The following RBFOX1 variants were observed in gnomAD, a reference collection of about 807,000 sequenced individuals.
RBFOX1 encodes the protein RNA binding protein fox-1 homolog 1.
RBFOX1 carries 8 observed loss-of-function variants against 57.7 expected under a neutral mutation model. That is an observed-to-expected ratio of 0.14 (90% CI 0.08 to 0.25). RBFOX1 has a LOEUF of 0.25. Ranked by LOEUF, RBFOX1 falls within the 10% of genes least tolerant of loss-of-function variation. The pLI is 1.00. For synonymous variants in RBFOX1, 326 were observed against 222.4 expected, an observed-to-expected ratio of 1.47 and a Z score of -4.15; for missense variants, 611 against 548.5, an observed-to-expected ratio of 1.11 and a Z score of -1.14.
chr16:5,665,643 C>T (rs1017953112), intron 3 of RBFOX1, among the ~76,000 whole-genome samples: 3 of 152,176 alleles, frequency 2.0e-5, no homozygotes, highest in African/African-American at 7.2e-5. Context: ...AGTTGGCACT[C>T]AGTTAGTATT....
intron 3 of RBFOX1, among the ~76,000 whole-genome samples, chr16:6,729,782 A>G (rs138466499): frequency 9.9e-5 from 15 of 152,232 alleles, no homozygotes; most frequent in African/African-American, 2.6e-4. Flanking sequence ...ACTTAAGTTG[A>G]GTTTGTTTCT....
intron 4 of RBFOX1, among the ~76,000 whole-genome samples, chr16:7,086,747 A>T (rs1402301048): frequency 9.8e-5 from 2 of 20,494 alleles, no homozygotes; most frequent in Non-Finnish European, 1.7e-4. Flanking sequence ...CACACTTTAA[A>T]ATTTGGTCTT....
intron 3 of RBFOX1, among the ~76,000 whole-genome samples, chr16:6,967,520 C>G (rs907500508): frequency 7.2e-5 from 11 of 152,106 alleles, no homozygotes; most frequent in African/African-American, 2.2e-4. Flanking sequence ...AACAGGAACC[C>G]TTTCATTTGC....
intron 4 of RBFOX1, among the ~76,000 whole-genome samples, chr16:7,371,234 G>A (rs1025887970): frequency 3.3e-5 from 5 of 152,088 alleles, no homozygotes; most frequent in Admixed American, 6.6e-5. Context: ...TGTGTCCCAG[G>A]AAGAATCAAG....
chr16:5,469,841 T>C (rs1183588537), intron 2 of RBFOX1, among the ~76,000 whole-genome samples: 1 of 152,232 alleles, frequency 6.6e-6, no homozygotes, highest in African/African-American at 2.4e-5. Context: ...TCTCTCCTTT[T>C]TATGGCTGAA....
At chr16:6,537,739 A>C (rs1002621433) in intron 2 of RBFOX1, among the ~76,000 whole-genome samples, 1 of 152,312 alleles carries the variant, frequency 6.6e-6, no homozygotes, top group South Asian at 2.1e-4. Flanking sequence ...TTTATAGCAG[A>C]TAAGAGAAGA....
chr16:6,530,209 G>A (rs759372430), intron 2 of RBFOX1, among the ~76,000 whole-genome samples: 11 of 151,904 alleles, frequency 7.2e-5, no homozygotes, highest in South Asian at 2.1e-4. Context: ...TTCTTCTTCC[G>A]GCCCTCTAGA....
chr16:6,611,400 G>A (rs146067801), intron 2 of RBFOX1, among the ~76,000 whole-genome samples: 1 of 152,196 alleles, frequency 6.6e-6, no homozygotes, highest in African/African-American at 2.4e-5. Flanking sequence ...ATCTGCCTCA[G>A]CCTCCCAAAG....
intron 10 of RBFOX1, among the ~76,000 whole-genome samples, chr16:7,612,369 CCA>C (rs921065186): frequency 1.3e-5 from 2 of 148,666 alleles, no homozygotes; most frequent in African/African-American, 4.9e-5. Flanking sequence ...TTGTAAGTCC[CCA>C]CACACAAATC....
chr16:7,414,903 G>C (rs551236984), intron 4 of RBFOX1, among the ~76,000 whole-genome samples: 1 of 152,206 alleles, frequency 6.6e-6, no homozygotes, highest in Non-Finnish European at 1.5e-5. Context: ...CAGGTGGTGA[G>C]CCACGGCGCC....
rs75581871 is a variant in RBFOX1 at position 6,022,219 on chromosome 16, G to A, written c.-127+2227G>A. ...CCACTGAAAGGACTTGATCTCCTTG[G>A]CCCCCTGGGATGAAAGTATTACCTT... On this transcript the variant is annotated intron_variant, in intron 1 of 15. Coordinates refer to ENST00000550418, the MANE Select transcript of RBFOX1 (RefSeq NM_018723.4). 2.4e-3 allele frequency among the ~76,000 whole-genome samples: 357 copies of A among 150,884 alleles called. 1 individual carries two copies. Among genetic ancestry groups the A allele is most frequent in the African/African-American group, 8.3e-3 (342 of 41,016 alleles).
chr16:5,570,398 T>G (rs2151130652), intron 2 of RBFOX1, among the ~76,000 whole-genome samples: 2 of 152,314 alleles, frequency 1.3e-5, no homozygotes, highest in Admixed American at 1.3e-4. Context: ...TGTATGGGAC[T>G]CATTCATGTT....
intron 4 of RBFOX1, chr16:7,332,611 G>C (rs2096712770): frequency 4.1e-6 from 1 of 243,584 alleles, no homozygotes; most frequent in Non-Finnish European, 7.0e-6. Flanking sequence ...AATTCAGTAG[G>C]ATGAGCTTAT....
intron 4 of RBFOX1, among the ~76,000 whole-genome samples, chr16:7,183,456 TTAAA>T (rs2083128275): frequency 6.6e-6 from 1 of 152,248 alleles, no homozygotes; most frequent in African/African-American, 2.4e-5. Flanking sequence ...TCTATTGTTA[TTAAA>T]TAGTGAAACC....
At chr16:5,761,868 C>CATCCTAG (rs1416215385) in intron 3 of RBFOX1, among the ~76,000 whole-genome samples, 1 of 152,142 alleles carries the variant, frequency 6.6e-6, no homozygotes, top group African/African-American at 2.4e-5. Flanking sequence ...AGGGGCCAAT[C>CATCCTAG]ATCCTAGGTC....
intron 4 of RBFOX1, among the ~76,000 whole-genome samples, chr16:7,071,328 G>T (rs2153777472): frequency 6.6e-6 from 1 of 152,188 alleles, no homozygotes; most frequent in South Asian, 2.1e-4. Context: ...TAATTATAAT[G>T]CCAGGAAAAA....
chr16:5,578,548 C>A (rs1412408687), intron 2 of RBFOX1, among the ~76,000 whole-genome samples: 1 of 152,202 alleles, frequency 6.6e-6, no homozygotes. Context: ...CGAAAAACCA[C>A]TGGGAGATCA....
intron 2 of RBFOX1, among the ~76,000 whole-genome samples, chr16:6,358,270 A>T (rs560479738): frequency 6.6e-6 from 1 of 152,310 alleles, no homozygotes; most frequent in South Asian, 2.1e-4. Flanking sequence ...TTCTGGCATC[A>T]TGTAATTTTC....
At chr16:5,713,657 A>G (rs2051577234) in intron 3 of RBFOX1, among the ~76,000 whole-genome samples, 2 of 152,202 alleles carry the variant, frequency 1.3e-5, no homozygotes, top group East Asian at 1.9e-4. Flanking sequence ...CTGCCCACAC[A>G]GCAGGTTATG....
Sources: gnomAD v4.1 joint callset for allele counts (sites outside exome capture counted in the v4.1 genomes callset) on GRCh38, gnomAD v4.1.1 for gene constraint, MANE v1.5 for transcripts, NCBI Gene and HGNC (gene_info 2026-07-23, HGNC 2026-07-21) for gene names.